ADGRG2: variants seen among roughly 807,000 people sequenced by gnomAD.
ADGRG2 encodes G protein-coupled receptor 64.
A neutral mutation model predicts 74.1 loss-of-function variants in ADGRG2; 26 were observed. The observed-to-expected ratio is 0.35, with a 90% CI of 0.26 to 0.49. The LOEUF (loss-of-function observed/expected upper bound fraction) is 0.49, where lower values mean the gene tolerates loss of function less well. Among genes scored for constraint, ADGRG2 ranks in the 20% least tolerant of loss-of-function variants. The pLI is 0.99. For synonymous variants in ADGRG2, 296 were observed against 295.2 expected (o/e 1.00, Z -0.03); for missense variants, 619 against 763.1 (o/e 0.81, Z 2.22).
chrX:19,096,627 A>G (rs1217784891), intron 1 of ADGRG2, among the ~76,000 whole-genome samples: 1 of 111,538 alleles, frequency 9.0e-6, no homozygotes, highest in African/African-American at 3.3e-5. Flanking sequence ...TATTGACAAC[A>G]TTGTCAAAGC....
At chrX:19,093,159 A>G (rs1464544231) in intron 1 of ADGRG2, among the ~76,000 whole-genome samples, 3 of 112,148 alleles carry the variant, frequency 2.7e-5, no homozygotes, top group Non-Finnish European at 3.8e-5. Flanking sequence ...TAACCTGCTC[A>G]GGGTTTGGCC....
At chrX:19,056,590 T>A (rs1295889145) in intron 3 of ADGRG2, among the ~76,000 whole-genome samples, 1 of 112,329 alleles carries the variant, frequency 8.9e-6, no homozygotes, top group Non-Finnish European at 1.9e-5. Context: ...ATAGAAATCC[T>A]ACTTAGTTGG....
At chrX:19,091,509 C>T (rs1478464507) in intron 1 of ADGRG2, among the ~76,000 whole-genome samples, 1 of 108,718 alleles carries the variant, frequency 9.2e-6, no homozygotes, top group Non-Finnish European at 1.9e-5. Context: ...CACACACACA[C>T]ACACACACAC....
At chrX:19,036,018 GT>G in intron 6 of ADGRG2, 41 bp from the exon 7 acceptor site, 1 of 666,206 alleles carries the variant, frequency 1.5e-6, no homozygotes, top group Non-Finnish European at 2.3e-6. Flanking sequence ...TACTGGCATG[GT>G]TTACAAACAT....
chrX:19,060,542 C>CTTT (rs58196298), intron 3 of ADGRG2, among the ~76,000 whole-genome samples: 3 of 87,062 alleles, frequency 3.4e-5, no homozygotes, highest in African/African-American at 4.2e-5. Context: ...GGCAGGTATT[C>CTTT]TTTTTTTTTT....
intron 25 of ADGRG2, among the ~76,000 whole-genome samples, chrX:18,999,653 G>T (rs2060086914): frequency 8.9e-6 from 1 of 111,837 alleles, no homozygotes; most frequent in Non-Finnish European, 1.9e-5. Context: ...TTTCTTTTCA[G>T]AATAGCTCCT....
intron 6 of ADGRG2, among the ~76,000 whole-genome samples, chrX:19,036,653 A>ACACACAC (rs749830664): frequency 3.6e-5 from 4 of 109,645 alleles, no homozygotes; most frequent in Non-Finnish European, 5.7e-5. Flanking sequence ...ACACACACAC[A>ACACACAC]AAATGGGATC....
At chrX:19,024,078 G>T in intron 11 of ADGRG2, 130 bp from the exon 12 acceptor site, 1 of 490,772 alleles carries the variant, frequency 2.0e-6, no homozygotes, top group Non-Finnish European at 3.6e-6. Flanking sequence ...TGAAGAAATA[G>T]AGAGTATAAT....
At chrX:19,115,972 G>C (rs1471359535) in intron 1 of ADGRG2, among the ~76,000 whole-genome samples, 1 of 110,465 alleles carries the variant, frequency 9.1e-6, no homozygotes, top group African/African-American at 3.3e-5. Flanking sequence ...CACTTTGGGA[G>C]ACTGAGGCAG....
chrX:19,110,303 A>G (rs2062387714), intron 1 of ADGRG2, among the ~76,000 whole-genome samples: 1 of 111,419 alleles, frequency 9.0e-6, no homozygotes, highest in African/African-American at 3.3e-5. Flanking sequence ...ATGATATAGA[A>G]GGTAACCTGG....
chrX:19,120,636 C>T (rs765035932), intron 1 of ADGRG2, among the ~76,000 whole-genome samples: 2 of 111,561 alleles, frequency 1.8e-5, no homozygotes, highest in Admixed American at 9.5e-5. Context: ...TCTCTTTCCA[C>T]GTATGGTGAC....
chrX:18,998,356 A>C lies in ADGRG2; in HGVS notation c.2614+640T>G, dbSNP rs2060057269. On this transcript the variant is annotated intron_variant, in intron 26 of 28. Coordinates refer to ENST00000379869, the MANE Select transcript of ADGRG2 (RefSeq NM_001079858.3). ...TTTTTTAAAAGAAACCAAGTGAAGG[A>C]AGAATAATTGACTTTTTCAAAAAGT... Among the ~76,000 whole-genome samples, 3 of 111,074 alleles carry C rather than the reference A, an allele frequency of 2.7e-5. No homozygotes were observed. The South Asian group carries it at 1.1e-3, about 41-fold the overall frequency.
chrX:19,063,008 T>TTAA (rs2061510110), intron 3 of ADGRG2, among the ~76,000 whole-genome samples: 6 of 96,338 alleles, frequency 6.2e-5, no homozygotes, highest in Middle Eastern at 0.011. Context: ...TTCAAAGATT[T>TTAA]AAAAAAAAAA....
intron 1 of ADGRG2, among the ~76,000 whole-genome samples, chrX:19,114,530 C>T (rs1043280884): frequency 4.5e-5 from 5 of 111,004 alleles, no homozygotes; most frequent in African/African-American, 9.8e-5. Flanking sequence ...GGTTTCTCAA[C>T]CTTGGCACTA....
At chrX:19,084,341 GGAA>G (rs1489866449) in intron 1 of ADGRG2, among the ~76,000 whole-genome samples, 5 of 110,605 alleles carry the variant, frequency 4.5e-5, no homozygotes, top group Non-Finnish European at 7.6e-5. Flanking sequence ...TAGAGAATCA[GGAA>G]GAATAGCTAA....
intron 22 of ADGRG2, 76 bp from the exon 23 acceptor site, chrX:19,004,955 T>A: frequency 1.3e-6 from 1 of 799,208 alleles, no homozygotes; most frequent in African/African-American, 2.1e-5. Flanking sequence ...TCAAGTATTC[T>A]AGGGATCCAT....
chrX:19,101,498 C>T (rs2062187889), intron 1 of ADGRG2, among the ~76,000 whole-genome samples: 1 of 109,900 alleles, frequency 9.1e-6, no homozygotes, highest in Non-Finnish European at 1.9e-5. Flanking sequence ...TCTAGGAGTT[C>T]GAGACCAGTC....
chrX:19,017,331 C>T (rs931968166), intron 15 of ADGRG2, among the ~76,000 whole-genome samples: 14 of 112,400 alleles, frequency 1.2e-4, no homozygotes, highest in African/African-American at 3.6e-4. Flanking sequence ...TTCATTTGAT[C>T]TGAGATGCTG....
At chrX:19,076,506 C>G (rs957958884) in intron 2 of ADGRG2, among the ~76,000 whole-genome samples, 1 of 112,137 alleles carries the variant, frequency 8.9e-6, no homozygotes, top group Admixed American at 9.4e-5. Context: ...TGGTGGCTCA[C>G]GCCTGTAATC....
Sources: allele counts gnomAD v4.1 joint callset (sites outside exome capture counted in the v4.1 genomes callset), GRCh38; gene constraint gnomAD v4.1.1; transcripts MANE v1.5; gene names NCBI Gene and HGNC (gene_info 2026-07-23, HGNC 2026-07-21).